TRPM3: variants seen among roughly 807,000 people sequenced by gnomAD.
TRPM3 encodes the protein transient receptor potential cation channel subfamily M member 3, also known as long transient receptor potential channel 3.
TRPM3 carries 77 observed loss-of-function variants against 181.2 expected under a neutral mutation model. That is an observed-to-expected ratio of 0.42 (90% CI 0.35 to 0.51). The LOEUF is 0.51. Among genes scored for constraint, TRPM3 ranks in the 20% least tolerant of loss-of-function variants. The pLI is 0.01. For synonymous variants in TRPM3, 745 were observed against 796.4 expected (o/e 0.94, Z 1.09); for missense variants, 1,759 against 2,196.7 (o/e 0.80, Z 3.98).
intron 22 of TRPM3, among the ~76,000 whole-genome samples, chr9:70,581,412 C>G (rs150435280): frequency 3.5e-4 from 54 of 152,354 alleles, no homozygotes; most frequent in East Asian, 1.2e-3. Flanking sequence ...CCGCAGGAAG[C>G]GACTCGCTCC....
At chr9:71,223,121 C>CA (rs981968635) in intron 1 of TRPM3, among the ~76,000 whole-genome samples, 12 of 152,148 alleles carry the variant, frequency 7.9e-5, no homozygotes, top group Non-Finnish European at 1.6e-4. Context: ...CTCCTCCCCC[C>CA]AAACCCAGGC....
chr9:71,177,831 T>C (rs1050099029), intron 1 of TRPM3, among the ~76,000 whole-genome samples: 1 of 151,980 alleles, frequency 6.6e-6, no homozygotes, highest in South Asian at 2.1e-4. Context: ...TTATCTTACA[T>C]TGACTTTCAT....
rs561325477 is a variant in TRPM3 at position 71,407,980 on chromosome 9, C to A, written c.183+38673G>T. On this transcript the variant is annotated intron_variant, in intron 1 of 24. Coordinates refer to the TRPM3 transcript ENST00000357533. ...AATAGGGCCCGGAGTGGACCTCCAG[C>A]AAATTCCAACAGACCTGCAGATAAT... Among the ~76,000 whole-genome samples, 11 of 152,344 alleles carry A rather than the reference C, an allele frequency of 7.2e-5. No individual in the cohort carries two copies. In the South Asian group the frequency reaches 2.3e-3, roughly 32 times the overall value.
chr9:70,842,209 T>C (rs10868905), intron 5 of TRPM3, among the ~76,000 whole-genome samples: 85,740 of 151,408 alleles, frequency 0.57, 24,600 homozygotes, highest in Non-Finnish European at 0.58. Flanking sequence ...AGGTAAATTT[T>C]CAGGAGAAAT....
intron 1 of TRPM3, among the ~76,000 whole-genome samples, chr9:71,038,532 C>T (rs541075546): frequency 1.2e-4 from 19 of 152,264 alleles, no homozygotes; most frequent in African/African-American, 4.1e-4. Flanking sequence ...CAATATCTTT[C>T]CCTATTTCTC....
chr9:71,332,773 T>C (rs1451987817), intron 1 of TRPM3, among the ~76,000 whole-genome samples: 2 of 151,600 alleles, frequency 1.3e-5, no homozygotes, highest in African/African-American at 4.8e-5. Context: ...ACAACACATT[T>C]AGAAAAATTT....
intron 1 of TRPM3, among the ~76,000 whole-genome samples, chr9:70,981,301 C>T (rs1382354145): frequency 1.3e-5 from 2 of 152,160 alleles, no homozygotes; most frequent in East Asian, 1.9e-4. Context: ...AGTGCGATCC[C>T]TTTGATTTAG....
intron 1 of TRPM3, among the ~76,000 whole-genome samples, chr9:70,888,251 A>G (rs1418507352): frequency 6.6e-6 from 1 of 152,126 alleles, no homozygotes; most frequent in Non-Finnish European, 1.5e-5. Flanking sequence ...ACCACCCAGC[A>G]CATAGTAGGT....
At chr9:70,745,081 A>T (rs1316955432) in intron 8 of TRPM3, among the ~76,000 whole-genome samples, 1 of 152,192 alleles carries the variant, frequency 6.6e-6, no homozygotes, top group Non-Finnish European at 1.5e-5. Flanking sequence ...AAAGTGCTAT[A>T]TAGACATCAT....
At position 71,304,139 on chromosome 9, in the gene TRPM3, C is replaced by A. The variant is rs151147618; in HGVS notation, c.183+142514G>T. ...GAAACTGCACACATAATTGATGCAA[C>A]AAATTGAACTTGGTGTACATAAATT... On this transcript the variant is annotated intron_variant, in intron 1 of 24. Transcript: ENST00000357533. Among the ~76,000 whole-genome samples the A allele has an allele frequency of 2.5e-3, 386 of 152,162 alleles. 2 individuals are homozygous for A. Among genetic ancestry groups the A allele is most frequent in the African/African-American group, 8.5e-3 (352 of 41,530 alleles).
At chr9:70,744,650 C>T (rs2074813200) in intron 8 of TRPM3, among the ~76,000 whole-genome samples, 1 of 152,134 alleles carries the variant, frequency 6.6e-6, no homozygotes, top group South Asian at 2.1e-4. Flanking sequence ...GTGGTCTGGA[C>T]ACTGTGCCTT....
chr9:70,608,234 C>T (rs762338054), intron 19 of TRPM3, among the ~76,000 whole-genome samples: 8 of 152,218 alleles, frequency 5.3e-5, no homozygotes, highest in South Asian at 2.1e-4. Context: ...GCCCAATTCA[C>T]GAATCGTTCA....
chr9:71,127,979 C>T (rs532500024), intron 1 of TRPM3, among the ~76,000 whole-genome samples: 3 of 152,196 alleles, frequency 2.0e-5, no homozygotes, highest in Non-Finnish European at 4.4e-5. Flanking sequence ...AAAATATTAG[C>T]AACTTATTAC....
chr9:70,868,754 C>CAAAT (rs991425657), intron 1 of TRPM3, among the ~76,000 whole-genome samples: 1 of 152,026 alleles, frequency 6.6e-6, no homozygotes, highest in Non-Finnish European at 1.5e-5. Context: ...TTTATAGGAA[C>CAAAT]AAATTACAAG....
chr9:70,843,557 T>A (rs1802708638), intron 4 of TRPM3, among the ~76,000 whole-genome samples: 1 of 152,240 alleles, frequency 6.6e-6, no homozygotes, highest in Non-Finnish European at 1.5e-5. Context: ...TGAGTTAAAT[T>A]CATTCAAAGA....
intron 3 of TRPM3, among the ~76,000 whole-genome samples, chr9:70,853,482 T>C (rs2132217213): frequency 6.6e-6 from 1 of 152,346 alleles, no homozygotes; most frequent in South Asian, 2.1e-4. Flanking sequence ...AAATGATGTG[T>C]TTTGTGTTTG....
At chr9:70,849,411 C>A (rs7028973) in intron 3 of TRPM3, among the ~76,000 whole-genome samples, 55,617 of 151,900 alleles carry the variant, frequency 0.37, 10,563 homozygotes, top group Non-Finnish European at 0.38. Flanking sequence ...TCTCAAAGTG[C>A]TGGGAGTACA....
chr9:70,764,937 G>A (rs1028975581), intron 7 of TRPM3, among the ~76,000 whole-genome samples: 5 of 152,254 alleles, frequency 3.3e-5, no homozygotes, highest in Non-Finnish European at 5.9e-5. Flanking sequence ...GGCAAAAAGA[G>A]TTTAATAACA....
At chr9:70,664,598 G>A (rs1192097057) in intron 9 of TRPM3, among the ~76,000 whole-genome samples, 1 of 151,488 alleles carries the variant, frequency 6.6e-6, no homozygotes, top group Non-Finnish European at 1.5e-5. Flanking sequence ...TGGACATGGG[G>A]GATTCTCCAT....
Sources: allele counts gnomAD v4.1 joint callset (sites outside exome capture counted in the v4.1 genomes callset), GRCh38; gene constraint gnomAD v4.1.1; transcripts MANE v1.5; gene names NCBI Gene and HGNC (gene_info 2026-07-23, HGNC 2026-07-21).